KLC2: variants seen among roughly 807,000 people sequenced by gnomAD.
KLC2 encodes kinesin light chain 2.
In KLC2, 35 loss-of-function variants were observed where a neutral mutation model predicts 75.1. That is an observed-to-expected ratio of 0.47 (90% CI 0.36 to 0.62). KLC2 has a LOEUF of 0.62. KLC2 is among the 20% of genes least tolerant of loss of function. The probability of loss-of-function intolerance (pLI) is 0.00; values close to 1 mark genes in which losing one functional copy is unlikely to be tolerated. For missense variants in KLC2, 611 were observed against 833.2 expected (o/e 0.73, Z 3.28); for synonymous variants, 314 against 336.7 (o/e 0.93, Z 0.74).
chr11:66,246,398 C>T, the KLC2 span, among the ~76,000 whole-genome samples: 1 of 152,138 alleles, frequency 6.6e-6, no homozygotes, highest in Admixed American at 6.5e-5. Flanking sequence ...GAAGGGTGAA[C>T]TCTCAGCCCG....
upstream of KLC2, among the ~76,000 whole-genome samples, chr11:66,254,217 G>A (rs895950238): frequency 1.3e-5 from 2 of 152,156 alleles, no homozygotes; most frequent in African/African-American, 2.4e-5. Flanking sequence ...GCAAGGCTCT[G>A]TCTCAAAACA....
chr11:66,245,643 G>A, the KLC2 span, among the ~76,000 whole-genome samples: 7 of 152,070 alleles, frequency 4.6e-5, no homozygotes, highest in South Asian at 1.5e-3. Flanking sequence ...TTGAACTCAG[G>A]AGGTGGAGGT....
chr11:66,262,328 G>A, intron 4 of KLC2, 136 bp downstream of exon 4: 1 of 690,958 alleles, frequency 1.4e-6, no homozygotes, highest in Non-Finnish European at 2.6e-6. Context: ...TTCAAGAACA[G>A]TTGTACGTGC....
the KLC2 span, among the ~76,000 whole-genome samples, chr11:66,247,737 T>G: frequency 6.6e-6 from 1 of 152,174 alleles, no homozygotes; most frequent in Non-Finnish European, 1.5e-5. Flanking sequence ...CCCTGTTGTA[T>G]CCTTGGCACC....
the KLC2 span, among the ~76,000 whole-genome samples, chr11:66,251,065 G>C: frequency 1.3e-5 from 2 of 152,154 alleles, no homozygotes; most frequent in African/African-American, 4.8e-5. Flanking sequence ...CAGCAGATGA[G>C]CTTGAAGGGT....
chr11:66,267,164 C>A lies in KLC2; in HGVS notation c.*208C>A. On this transcript the variant is annotated 3_prime_UTR_variant, in exon 16 of 16. Coordinates refer to ENST00000394067, the MANE Select transcript of KLC2 (RefSeq NM_001318734.2). ...CTCCAGCTCCATCCCTTATTTATTC[C>A]TTCCAGCAGGGCCCTCTTCCCTAGG... 1 of 1,545,802 alleles carries A rather than the reference C, an allele frequency of 6.5e-7. No individual in the cohort carries two copies. The highest frequency in any genetic ancestry group is 2.4e-5 in the East Asian group (1 of 40,842).
intron 5 of KLC2, among the ~76,000 whole-genome samples, chr11:66,263,358 G>T (rs914337226): frequency 6.6e-6 from 1 of 152,220 alleles, no homozygotes; most frequent in Non-Finnish European, 1.5e-5. Context: ...CATGAGCAAA[G>T]GCACTGGGAC....
upstream of KLC2, among the ~76,000 whole-genome samples, chr11:66,255,662 A>T (rs562808542): frequency 6.6e-6 from 1 of 152,360 alleles, no homozygotes; most frequent in East Asian, 1.9e-4. Context: ...AATGGACATA[A>T]GAAACAACAG....
chr11:66,243,948 T>TC, the KLC2 span: 1 of 152,140 alleles, frequency 6.6e-6, no homozygotes, highest in Non-Finnish European at 1.5e-5. Flanking sequence ...CCTCCCAGTC[T>TC]CCCCCCACCA....
intron 11 of KLC2, 126 bp from the exon 12 acceptor site, chr11:66,265,529 A>G: frequency 2.4e-6 from 2 of 817,770 alleles, no homozygotes; most frequent in Non-Finnish European, 3.9e-6. Context: ...ACAGGGCTTG[A>G]CATGGGAAGG....
rs760107148 is a variant in KLC2 at position 66,262,879 on chromosome 11, C to T, written c.595C>T (p.Arg199Cys). 7 of 1,613,706 alleles carry T rather than the reference C, an allele frequency of 4.3e-6. No individual in the cohort carries two copies. Among genetic ancestry groups the T allele is most frequent in the East Asian group, 2.2e-5 (1 of 44,888 alleles). The change falls in exon 5 of 16, where the codon CGC (arginine) becomes TGC (cysteine). Residue 199 changes from arginine to cysteine, a missense_variant. Coordinates refer to ENST00000394067, the MANE Select transcript of KLC2 (RefSeq NM_001318734.2). The part of the protein sequence containing the change: ...HGGYEIPARL[R>C]TLHNLVIQYA... ...GGGCTACGAGATCCCGGCCCGGCTC[C>T]GCACCCTGCACAACCTGGTGATCCA...
chr11:66,265,401 T>C, intron 11 of KLC2, 166 bp downstream of exon 11: 1 of 713,816 alleles, frequency 1.4e-6, no homozygotes, highest in East Asian at 2.7e-5. Context: ...AGCCTAATTC[T>C]CTGGCTCTGG....
upstream of KLC2, among the ~76,000 whole-genome samples, chr11:66,253,823 C>T (rs1855982543): frequency 1.3e-5 from 2 of 152,240 alleles, no homozygotes; most frequent in African/African-American, 4.8e-5. Context: ...CAGCCAGCGC[C>T]TAAGGAGAAT....
chr11:66,262,094 C>G, intron 3 of KLC2, 29 bp from the exon 4 acceptor site: 1 of 1,609,818 alleles, frequency 6.2e-7, no homozygotes, highest in Non-Finnish European at 8.5e-7. Flanking sequence ...TGCCTCCTTC[C>G]CTGATGCTCA....
At position 66,267,535 on chromosome 11, in the gene KLC2, CCT is replaced by C. The variant is rs891368265; in HGVS notation, c.*582_*583del. ...TGGGACCTTCTCGCGCTCCTCCTGG[CCT>C]CTGAGGGATGCGTCCTACCCGCGCC... On this transcript the variant is annotated 3_prime_UTR_variant, in exon 16 of 16. Transcript: ENST00000394067. The C allele has an allele frequency of 1.5e-6, 1 of 655,182 alleles. No homozygotes were observed. The highest frequency in any genetic ancestry group is 1.8e-5 in the African/African-American group (1 of 55,424). The allele number at this position is 655,182 out of a possible 1,614,324, so 40.6% of individuals were successfully genotyped here.
Position 66,267,383 on chromosome 11 carries a change from C to G in KLC2, c.*427C>G, listed in dbSNP as rs1230736725. On this transcript the variant is annotated 3_prime_UTR_variant, in exon 16 of 16. Coordinates refer to ENST00000394067, the MANE Select transcript of KLC2 (RefSeq NM_001318734.2). ...TGGCCGCGCGCCTCCCTTCAGTCCACGGTACTACCCGGGCCTCCCCTCGTC... is the reference window on the plus strand; with the variant it reads ...TGGCCGCGCGCCTCCCTTCAGTCCAGGGTACTACCCGGGCCTCCCCTCGTC... 1.4e-6 allele frequency: 1 copy of G among 720,462 alleles called. No individual in the cohort carries two copies. Among genetic ancestry groups the G allele is most frequent in the Non-Finnish European group, 2.6e-6 (1 of 387,858 alleles). The allele number at this position is 720,462 out of a possible 1,614,324, so 44.6% of individuals were successfully genotyped here.
chr11:66,267,452 G>A lies in KLC2; in HGVS notation c.*496G>A. The A allele has an allele frequency of 2.8e-6, 2 of 715,742 alleles. No individual in the cohort carries two copies. The highest frequency in any genetic ancestry group is 5.2e-6 in the Non-Finnish European group (2 of 383,942). 44.3% of individuals were successfully genotyped at this position (715,742 alleles called of 1,614,324 possible). The stretch of plus-strand genomic sequence containing the variant: ...CCCAGGCCTTAATCACCCCCATTCC[G>A]TGCGGTGGTATCTCCCAGGCTCTAC... On this transcript the variant is annotated 3_prime_UTR_variant, in exon 16 of 16. Transcript: ENST00000394067.
chr11:66,247,848 A>G, the KLC2 span, among the ~76,000 whole-genome samples: 2 of 152,174 alleles, frequency 1.3e-5, no homozygotes, highest in African/African-American at 4.8e-5. Context: ...CAGATGTGCT[A>G]CTCAAGACAT....
At position 66,258,840 on chromosome 11, in the gene KLC2, A is replaced by T. The variant is rs1446657736; in HGVS notation, c.228+18A>T. 6.4e-7 allele frequency: 1 copy of T among 1,569,078 alleles called. No individual in the cohort carries two copies. The highest frequency in any genetic ancestry group is 8.7e-7 in the Non-Finnish European group (1 of 1,143,168). ...AGGCCCAGGTAGGTCAGTCTGGGGC[A>T]CTGAGGTGGGAGGTCACTGGAGGGA... On this transcript the variant is annotated intron_variant, in intron 2 of 15. Transcript: ENST00000394067.
Sources: gnomAD v4.1 joint callset for allele counts (sites outside exome capture counted in the v4.1 genomes callset) on GRCh38, gnomAD v4.1.1 for gene constraint, MANE v1.5 for transcripts, NCBI Gene and HGNC (gene_info 2026-07-23, HGNC 2026-07-21) for gene names.